The following PACS1 variants were observed in gnomAD, a reference collection of about 807,000 sequenced individuals.
PACS1 encodes the protein phosphofurin acidic cluster sorting protein 1, also known as PACS-1.
In PACS1, 24 loss-of-function variants were observed where a neutral mutation model predicts 115.0. That is an observed-to-expected ratio of 0.21 (90% confidence interval 0.15 to 0.29). The LOEUF (loss-of-function observed/expected upper bound fraction) is 0.29, where lower values mean the gene tolerates loss of function less well. Ranked by LOEUF, PACS1 falls within the 10% of genes least tolerant of loss-of-function variation. The pLI is 1.00. For missense variants in PACS1, 838 were observed against 1,251.2 expected, an observed-to-expected ratio of 0.67 and a Z score of 4.98; for synonymous variants, 453 against 504.5, an observed-to-expected ratio of 0.90 and a Z score of 1.37.
At position 66,236,980 on chromosome 11, in the gene PACS1, G is replaced by A. The variant is rs1419920519; in HGVS notation, c.2250+1040G>A. ...TGTTGCCAGGCGGGAGTGCAGTGGCGCGATCTCGACTCACTGCAACCTCCG... is the reference window on the plus strand; with the variant it reads ...TGTTGCCAGGCGGGAGTGCAGTGGCACGATCTCGACTCACTGCAACCTCCG... On this transcript the variant is annotated intron_variant, in intron 19 of 23. Transcript: ENST00000320580. The surrounding 1 kb of genome is among the most constrained non-coding windows in gnomAD (Gnocchi z 4.2). 1.3e-5 allele frequency among the ~76,000 whole-genome samples: 2 copies of A among 151,612 alleles called. No individual in the cohort carries two copies. The highest frequency in any genetic ancestry group is 6.6e-5 in the Admixed American group (1 of 15,238).
chr11:66,227,668 C>A, intron 11 of PACS1, 84 bp downstream of exon 11: 1 of 820,712 alleles, frequency 1.2e-6, no homozygotes. Flanking sequence ...CCCTCAGGAC[C>A]ACCATAGAAA....
chr11:66,210,339 C>G, intron 2 of PACS1, 23 bp from the exon 3 acceptor site: 1 of 1,602,158 alleles, frequency 6.2e-7, no homozygotes, highest in Non-Finnish European at 8.6e-7. Context: ...CCTGGCCAAA[C>G]AGACTTTTCT....
At chr11:66,145,602 A>G (rs1314195403) in intron 1 of PACS1, among the ~76,000 whole-genome samples, 1 of 152,234 alleles carries the variant, frequency 6.6e-6, no homozygotes, top group Non-Finnish European at 1.5e-5. Flanking sequence ...GCACACATGC[A>G]GGTAAAACTA....
At chr11:66,112,125 A>T (rs114072469) in intron 1 of PACS1, among the ~76,000 whole-genome samples, 2,327 of 152,116 alleles carry the variant, frequency 0.015, 63 homozygotes, top group African/African-American at 0.052. Context: ...TCTTCTCTAC[A>T]CTGCCGGCAG....
chr11:66,210,760 G>A (rs763191166), intron 3 of PACS1, among the ~76,000 whole-genome samples: 2 of 152,236 alleles, frequency 1.3e-5, no homozygotes, highest in Non-Finnish European at 2.9e-5. Flanking sequence ...CCCGTGGACT[G>A]TGCCACCATC....
rs553556593 is a variant in PACS1, at chr11:66,236,029, G to T, written c.2250+89G>T. The T allele has an allele frequency of 1.8e-5, 22 of 1,221,108 alleles. No individual in the cohort carries two copies. The highest frequency in any genetic ancestry group is 2.6e-5 in the Non-Finnish European group (21 of 821,692). 75.6% of individuals were successfully genotyped at this position (1,221,108 alleles called of 1,614,324 possible). ...CACAGGAAAACAAAAGATTCATCTA[G>T]AACAGTGGTTCTCCAGACACTGGAG... On this transcript the variant is annotated intron_variant, in intron 19 of 23. Coordinates refer to ENST00000320580, the MANE Select transcript of PACS1 (RefSeq NM_018026.4). This position sits in a 1 kb window ranked among gnomAD's most constrained non-coding sequence, Gnocchi z 4.2.
intron 1 of PACS1, among the ~76,000 whole-genome samples, chr11:66,131,969 A>G (rs1011015740): frequency 6.6e-6 from 1 of 151,596 alleles, no homozygotes; most frequent in African/African-American, 2.4e-5. Context: ...AAAAAAAAAA[A>G]TCTGTTCCTC....
intron 1 of PACS1, among the ~76,000 whole-genome samples, chr11:66,108,895 A>G (rs989310573): frequency 9.2e-5 from 14 of 152,114 alleles, no homozygotes; most frequent in Admixed American, 2.6e-4. Flanking sequence ...CTTGAGCCCA[A>G]GAGTTCAGGG....
chr11:66,117,019 A>G (rs1268733316), intron 1 of PACS1, among the ~76,000 whole-genome samples: 1 of 152,114 alleles, frequency 6.6e-6, no homozygotes, highest in Non-Finnish European at 1.5e-5. Flanking sequence ...TAAGCAGGGG[A>G]AGAAGACAGG....
chr11:66,106,319 C>T (rs1396433209), intron 1 of PACS1, among the ~76,000 whole-genome samples: 1 of 152,176 alleles, frequency 6.6e-6, no homozygotes. Flanking sequence ...CGCCTGTAAT[C>T]GCAGCACTTT....
intron 1 of PACS1, among the ~76,000 whole-genome samples, chr11:66,073,950 A>G (rs1269702519): frequency 2.2e-5 from 3 of 134,884 alleles, no homozygotes; most frequent in African/African-American, 5.6e-5. Context: ...TTTTAAAAAC[A>G]GGGTCTCACT....
chr11:66,198,788 A>T (rs1052969107), intron 2 of PACS1, among the ~76,000 whole-genome samples: 1 of 152,204 alleles, frequency 6.6e-6, no homozygotes, highest in Non-Finnish European at 1.5e-5. Flanking sequence ...TAATTTTTTT[A>T]AAAAACTATG....
chr11:66,141,586 G>A (rs1228434550), intron 1 of PACS1, among the ~76,000 whole-genome samples: 6 of 147,910 alleles, frequency 4.1e-5, no homozygotes, highest in Non-Finnish European at 6.0e-5. Flanking sequence ...CCCAGGAGGC[G>A]GAGGCTACAG....
chr11:66,238,022 G>A (rs1344831513), intron 19 of PACS1: 1 of 978,798 alleles, frequency 1.0e-6, no homozygotes, highest in Non-Finnish European at 1.2e-6. Context: ...GGGCCCAGGT[G>A]ATAGGGCCCA....
intron 1 of PACS1, among the ~76,000 whole-genome samples, chr11:66,071,270 G>T (rs1857306808): frequency 6.6e-6 from 1 of 152,170 alleles, no homozygotes; most frequent in Non-Finnish European, 1.5e-5. Flanking sequence ...GTCACCTCTT[G>T]CAGGTAAAGC....
At chr11:66,116,895 CA>C (rs35315695) in intron 1 of PACS1, among the ~76,000 whole-genome samples, 144,008 of 147,740 alleles carry the variant, frequency 0.97, 70,257 homozygotes, top group Middle Eastern at 1. Context: ...ATCTCAAAAA[CA>C]AAAAAAAAAA....
At chr11:66,126,350 A>G (rs771374517) in intron 1 of PACS1, among the ~76,000 whole-genome samples, 1 of 152,212 alleles carries the variant, frequency 6.6e-6, no homozygotes, top group Non-Finnish European at 1.5e-5. Flanking sequence ...GTTAGTCACA[A>G]CAGGTTCACA....
At chr11:66,232,342 A>G (rs1855614320) in intron 14 of PACS1, 66 bp downstream of exon 14, 2 of 911,172 alleles carry the variant, frequency 2.2e-6, no homozygotes, top group Non-Finnish European at 3.6e-6. Flanking sequence ...TTGCATTGTC[A>G]GTGTGGCCTC....
chr11:66,165,174 G>A (rs1192877890), intron 1 of PACS1, among the ~76,000 whole-genome samples: 5 of 152,142 alleles, frequency 3.3e-5, no homozygotes, highest in East Asian at 3.8e-4. Flanking sequence ...TGCCAGATCC[G>A]GTGATGAGTT....
Sources: gnomAD v4.1 joint callset for allele counts (sites outside exome capture counted in the v4.1 genomes callset) on GRCh38, gnomAD v4.1.1 for gene constraint, Gnocchi (gnomAD v3.1) non-coding constraint, MANE v1.5 for transcripts, NCBI Gene and HGNC (gene_info 2026-07-23, HGNC 2026-07-21) for gene names.